Variants in MSR1 observed in about 807,000 individuals in gnomAD.
MSR1 encodes macrophage scavenger receptor types I and II.
MSR1 carries 53 observed loss-of-function variants against 47.2 expected under a neutral mutation model. That is an observed-to-expected ratio of 1.12 (90% CI 0.90 to 1.41). The LOEUF is 1.41. Ranked by LOEUF, MSR1 falls within the 40% of genes most tolerant of loss-of-function variation. MSR1 has a pLI of 0.00. For synonymous variants in MSR1, 239 were observed against 185.6 expected (o/e 1.29, Z -2.34); for missense variants, 786 against 546.9 (o/e 1.44, Z -4.36).
intron 1 of MSR1, among the ~76,000 whole-genome samples, chr8:16,181,800 T>A (rs1046882998): frequency 1.7e-4 from 25 of 145,302 alleles, no homozygotes; most frequent in Admixed American, 3.4e-4. Context: ...AAGTATAATT[T>A]AAAAAAAAAA....
chr8:16,176,682 A>G (rs1057432411), intron 2 of MSR1, among the ~76,000 whole-genome samples: 1 of 152,162 alleles, frequency 6.6e-6, no homozygotes, highest in Non-Finnish European at 1.5e-5. Flanking sequence ...ACAAATGTAA[A>G]TTCTACCTTT....
At chr8:16,110,525 A>G (rs1297408840) in intron 9 of MSR1, among the ~76,000 whole-genome samples, 1 of 152,148 alleles carries the variant, frequency 6.6e-6, no homozygotes, top group Non-Finnish European at 1.5e-5. Flanking sequence ...TTTTATTATT[A>G]ATCTAAAAAT....
At chr8:16,158,783 T>C (rs1801080946) in intron 5 of MSR1, among the ~76,000 whole-genome samples, 1 of 151,848 alleles carries the variant, frequency 6.6e-6, no homozygotes, top group Admixed American at 6.6e-5. Flanking sequence ...ACTAGAAGAA[T>C]TTCATTTCTT....
chr8:16,161,193 A>T (rs1801153507), intron 5 of MSR1, among the ~76,000 whole-genome samples: 1 of 151,946 alleles, frequency 6.6e-6, no homozygotes, highest in Non-Finnish European at 1.5e-5. Flanking sequence ...TGTATGAAAT[A>T]AGAATTAGTA....
intron 8 of MSR1, among the ~76,000 whole-genome samples, chr8:16,131,440 A>AGTTTTTTTTTTTTTT (rs1563143859): frequency 1.3e-5 from 1 of 79,670 alleles, no homozygotes; most frequent in African/African-American, 5.8e-5. Flanking sequence ...CTCTGTTGAT[A>AGTTTTTTTTTTTTTT]GTTTTTTTTT....
At position 16,171,894 on chromosome 8, in the gene MSR1, G is replaced by A. The variant is rs143345391; in HGVS notation, c.218-3024C>T. ...CCTCTATTTCACCACCTGTATAAAT[G>A]GGGTACTAATAGTCAGTGTCCAAAT... is the stretch of plus-strand genomic sequence containing the variant. On this transcript the variant is annotated intron_variant, in intron 3 of 9. Transcript: ENST00000262101. Among the ~76,000 whole-genome samples the A allele has an allele frequency of 3.3e-4, 50 of 152,226 alleles. No homozygotes were observed. In the East Asian group the frequency reaches 9.7e-3, roughly 29 times the overall value.
At chr8:16,119,698 TC>T (rs1275726465) in intron 9 of MSR1, among the ~76,000 whole-genome samples, 11 of 151,842 alleles carry the variant, frequency 7.2e-5, no homozygotes, top group African/African-American at 2.7e-4. Context: ...CTTACCTTTT[TC>T]TACTTTTCTG....
intron 8 of MSR1, among the ~76,000 whole-genome samples, chr8:16,141,397 G>C (rs1297342804): frequency 6.6e-6 from 1 of 152,128 alleles, no homozygotes; most frequent in Non-Finnish European, 1.5e-5. Context: ...TAGTGTTCAG[G>C]ACTAGAGGAG....
intron 8 of MSR1, 53 bp downstream of exon 8, chr8:16,143,505 C>G (rs894899649): frequency 1.3e-6 from 2 of 1,516,874 alleles, no homozygotes; most frequent in African/African-American, 2.7e-5. Flanking sequence ...TCTAGTATCA[C>G]AGACTTACTT....
At chr8:16,133,634 G>A (rs1201908027) in intron 8 of MSR1, among the ~76,000 whole-genome samples, 1 of 152,146 alleles carries the variant, frequency 6.6e-6, no homozygotes, top group Non-Finnish European at 1.5e-5. Flanking sequence ...GAGAACCTTT[G>A]TTCTTGACTG....
rs183881205 is a variant in MSR1, at chr8:16,120,142, G to A, written c.1222+276C>T. Among the ~76,000 whole-genome samples, 112 of 151,824 alleles carry A rather than the reference G, an allele frequency of 7.4e-4. 1 individual carries two copies. In the East Asian group the frequency reaches 0.012, roughly 16 times the overall value. ...CCTGTAATCCCAGCACTTTAGGTTG[G>A]CGAGGCGGGCAGATCACGAGGTCAG... is the stretch of plus-strand genomic sequence containing the variant. On this transcript the variant is annotated intron_variant, in intron 9 of 9. Coordinates refer to ENST00000262101, the MANE Select transcript of MSR1 (RefSeq NM_138715.3).
chr8:16,120,465 C>G lies in MSR1; in HGVS notation c.1175G>C (p.Gly392Ala). The change falls in exon 9 of 10, where the codon GGA (glycine) becomes GCA (alanine). Residue 392 changes from glycine to alanine, a missense_variant. Physicochemically the swap from Gly to Ala is moderately conservative, Grantham distance 60 (BLOSUM62 0). Transcript: ENST00000262101. ...GTGCACGGCTTGAACACCTGGGTATCCCAAGCTCCTACAGACGACCTGTCC... is the reference window on the plus strand; with the variant it reads ...GTGCACGGCTTGAACACCTGGGTATGCCAAGCTCCTACAGACGACCTGTCC... ...RVGQVVCRSL[G>A]YPGVQAVHKA... 6.2e-7 allele frequency: 1 copy of G among 1,613,904 alleles called. No individual in the cohort carries two copies. The highest frequency in any genetic ancestry group is 8.5e-7 in the Non-Finnish European group (1 of 1,179,922).
At chr8:16,181,513 G>C (rs943131586) in intron 1 of MSR1, among the ~76,000 whole-genome samples, 4 of 152,086 alleles carry the variant, frequency 2.6e-5, no homozygotes, top group African/African-American at 9.7e-5. Context: ...CATGGATGAA[G>C]CTGGAAACCA....
chr8:16,167,070 C>G (rs536469497), intron 4 of MSR1, among the ~76,000 whole-genome samples: 1 of 152,130 alleles, frequency 6.6e-6, no homozygotes, highest in South Asian at 2.1e-4. Context: ...CTTGCATTTC[C>G]TTTTCTAATG....
chr8:16,112,017 G>C lies in MSR1; in HGVS notation c.1223-1799C>G, dbSNP rs143323006. Among the ~76,000 whole-genome samples, 341 of 152,248 alleles carry C rather than the reference G, an allele frequency of 2.2e-3. 2 individuals carry two copies. Among genetic ancestry groups the C allele is most frequent in the African/African-American group, 8.0e-3 (331 of 41,558 alleles). ...ACCAAACTCCATACTCTTGTGGACT[G>C]ACTTCCTGGGAGGGCTTATGTTCTA... On this transcript the variant is annotated intron_variant, in intron 9 of 9. Transcript: ENST00000262101.
intron 9 of MSR1, among the ~76,000 whole-genome samples, chr8:16,119,150 T>C (rs947604939): frequency 6.6e-6 from 1 of 152,180 alleles, no homozygotes; most frequent in Non-Finnish European, 1.5e-5. Flanking sequence ...CCTCTCTTCA[T>C]GAAATTAAAT....
chr8:16,170,739 G>A (rs1801460955), intron 3 of MSR1, among the ~76,000 whole-genome samples: 1 of 152,184 alleles, frequency 6.6e-6, no homozygotes, highest in Non-Finnish European at 1.5e-5. Flanking sequence ...ACAGCTTGGT[G>A]TTTACATAGG....
chr8:16,113,107 GC>G (rs1197578234), intron 9 of MSR1, among the ~76,000 whole-genome samples: 1 of 151,262 alleles, frequency 6.6e-6, no homozygotes, highest in Non-Finnish European at 1.5e-5. Context: ...GCACCACCAC[GC>G]CCAGTTAATT....
At chr8:16,130,267 T>A (rs886726391) in intron 8 of MSR1, among the ~76,000 whole-genome samples, 7 of 152,148 alleles carry the variant, frequency 4.6e-5, no homozygotes, top group African/African-American at 7.2e-5. Context: ...TTTTACAGAT[T>A]GAAAATTTGT....
Sources: gnomAD v4.1 joint callset for allele counts (sites outside exome capture counted in the v4.1 genomes callset) on GRCh38, gnomAD v4.1.1 for gene constraint, MANE v1.5 for transcripts, NCBI Gene and HGNC (gene_info 2026-07-23, HGNC 2026-07-21) for gene names.